NFILZ: variants seen among roughly 807,000 people sequenced by gnomAD.
NFILZ encodes NFIL3 like protein.
chr19:8,667,415 C>A (rs1249531449), intron 3 of NFILZ, among the ~76,000 whole-genome samples: 1 of 152,134 alleles, frequency 6.6e-6, no homozygotes, highest in Non-Finnish European at 1.5e-5. Context: ...CTACAGTCAT[C>A]CCTTGATATC....
At chr19:8,665,485 G>A (rs2043057853) in intron 3 of NFILZ, among the ~76,000 whole-genome samples, 1 of 152,162 alleles carries the variant, frequency 6.6e-6, no homozygotes, top group African/African-American at 2.4e-5. Context: ...CAGGGTATGA[G>A]TCCAAATTTG....
At position 8,678,137 on chromosome 19, in the gene NFILZ, T is replaced by C. The variant is rs1248235703; in HGVS notation, c.*502T>C. Reference sequence around the variant, plus strand: ...TCCATCCATCCATCCCTCCATCCATTCATCCACTTGTCCGTCCATCCATCC... The same window carrying C: ...TCCATCCATCCATCCCTCCATCCATCCATCCACTTGTCCGTCCATCCATCC... On this transcript the variant is annotated 3_prime_UTR_variant, in exon 6 of 6. Transcript: ENST00000691075. Among the ~76,000 whole-genome samples the C allele has an allele frequency of 0.033, 71 of 2,146 alleles. 9 individuals carry two copies. Among genetic ancestry groups the C allele is most frequent in the African/African-American group, 0.077 (31 of 402 alleles). The allele number at this position is 2,146 out of a possible 152,430, so 1.4% of individuals were successfully genotyped here.
chr19:8,633,513 C>T (rs1281758319), intron 2 of NFILZ, among the ~76,000 whole-genome samples: 1 of 152,172 alleles, frequency 6.6e-6, no homozygotes, highest in African/African-American at 2.4e-5. Flanking sequence ...GTGTCTTGAC[C>T]TTGAACTTGA....
chr19:8,640,315 AGT>A (rs1491329826), intron 3 of NFILZ, among the ~76,000 whole-genome samples: 7 of 52,734 alleles, frequency 1.3e-4, no homozygotes, highest in Non-Finnish European at 2.6e-4. Context: ...TTCCTGCTGT[AGT>A]TTTTTTTTTT....
At chr19:8,645,682 A>G (rs1343139962) in intron 3 of NFILZ, among the ~76,000 whole-genome samples, 1 of 152,130 alleles carries the variant, frequency 6.6e-6, no homozygotes, top group African/African-American at 2.4e-5. Flanking sequence ...GGGTGTGGGT[A>G]GGAGAATGGG....
At chr19:8,647,818 C>T (rs2042948111) in intron 3 of NFILZ, among the ~76,000 whole-genome samples, 1 of 148,762 alleles carries the variant, frequency 6.7e-6, no homozygotes, top group African/African-American at 2.5e-5. Context: ...CACACACACA[C>T]ACACACACAC....
At chr19:8,664,522 ATTTTC>A (rs550715256) in intron 3 of NFILZ, among the ~76,000 whole-genome samples, 1 of 151,940 alleles carries the variant, frequency 6.6e-6, no homozygotes, top group African/African-American at 2.4e-5. Flanking sequence ...GGTGCCTTGC[ATTTTC>A]CCCTTGAAGA....
intron 3 of NFILZ, among the ~76,000 whole-genome samples, chr19:8,652,178 C>T (rs1555747766): frequency 6.6e-6 from 1 of 151,044 alleles, no homozygotes; most frequent in Non-Finnish European, 1.5e-5. Context: ...TCTCGGCTCA[C>T]TGCCAGCTCC....
chr19:8,634,864 C>CACAA (rs150599717), intron 2 of NFILZ, among the ~76,000 whole-genome samples: 1,916 of 150,574 alleles, frequency 0.013, 22 homozygotes, highest in East Asian at 0.051. Flanking sequence ...AAGACCCTAT[C>CACAA]ACAAACAAAC....
intron 3 of NFILZ, among the ~76,000 whole-genome samples, chr19:8,652,621 A>G (rs544222521): frequency 6.6e-6 from 1 of 152,316 alleles, no homozygotes; most frequent in South Asian, 2.1e-4. Flanking sequence ...TCTTTACACC[A>G]TTGATTTAGT....
At chr19:8,649,248 G>C (rs1438714197) in intron 3 of NFILZ, among the ~76,000 whole-genome samples, 4 of 148,320 alleles carry the variant, frequency 2.7e-5, no homozygotes, top group African/African-American at 1.0e-4. Flanking sequence ...TTACAGGGGT[G>C]AGTCACCACA....
intron 3 of NFILZ, among the ~76,000 whole-genome samples, chr19:8,656,482 C>CAGCCCACCTTCTTCCTGA (rs2043002878): frequency 8.8e-5 from 4 of 45,560 alleles, no homozygotes; most frequent in Non-Finnish European, 8.8e-5. Context: ...CCTTCTCCCG[C>CAGCCCACCTTCTTCCTGA]AGCCCACCTT....
intron 2 of NFILZ, among the ~76,000 whole-genome samples, chr19:8,633,360 C>T (rs1055306728): frequency 1.3e-5 from 2 of 152,096 alleles, no homozygotes; most frequent in Non-Finnish European, 2.9e-5. Flanking sequence ...CACTTTACTC[C>T]GTGGACTCTC....
rs978800331 is a variant in NFILZ at position 8,635,721 on chromosome 19, G to A, written c.-189G>A. On this transcript the variant is annotated 5_prime_UTR_variant, in exon 3 of 6. Coordinates refer to ENST00000691075, the MANE Select transcript of NFILZ (RefSeq NM_001378600.1). The stretch of plus-strand genomic sequence containing the variant: ...GGCGATGATAAATAATGTGCCAGAC[G>A]TTGATGTGCAAGTTTTGGTGTGAGG... 7 of 152,196 alleles carry A rather than the reference G, an allele frequency of 4.6e-5. No individual in the cohort carries two copies. Among genetic ancestry groups the A allele is most frequent in the Non-Finnish European group, 8.8e-5 (6 of 68,048 alleles). 9.4% of individuals were successfully genotyped at this position (152,196 alleles called of 1,614,324 possible).
chr19:8,656,373 C>CCTGCAGCCCACCTTCTCT (rs2042997993), intron 3 of NFILZ, among the ~76,000 whole-genome samples: 4 of 72,854 alleles, frequency 5.5e-5, no homozygotes, highest in Middle Eastern at 6.1e-3. Context: ...CCACCTTCTC[C>CCTGCAGCCCACCTTCTCT]CTGAAGCCCA....
rs1345576993 is a variant in NFILZ, at chr19:8,652,107, T to TC, written c.-164+16361_-164+16362insC. On this transcript the variant is annotated intron_variant, in intron 3 of 5. Transcript: ENST00000691075. Reference sequence around the variant, plus strand: ...CTTTGCTGTGACCACTGGGAGATTTTTTTTTTTTTTTTTGAAACGGAGTCT... The same window carrying TC: ...CTTTGCTGTGACCACTGGGAGATTTTCTTTTTTTTTTTTTGAAACGGAGTCT... 1.5e-3 allele frequency among the ~76,000 whole-genome samples: 233 copies of TC among 151,832 alleles called. 1 individual carries two copies. Among genetic ancestry groups the TC allele is most frequent in the Non-Finnish European group, 1.6e-3 (111 of 67,886 alleles).
rs552717851 is a variant in NFILZ, at chr19:8,669,251, G to C, written c.-163-5300G>C. Among the ~76,000 whole-genome samples the C allele has an allele frequency of 9.1e-4, 139 of 152,198 alleles. 1 individual carries two copies. The highest frequency in any genetic ancestry group is 1.8e-3 in the Non-Finnish European group (123 of 68,026). ...TGAACCACCAAGCCTGGCCAAGAGA[G>C]GATTCTAACAACAATAAATGAAAAA... On this transcript the variant is annotated intron_variant, in intron 3 of 5. Coordinates refer to ENST00000691075, the MANE Select transcript of NFILZ (RefSeq NM_001378600.1).
rs115220293 is a variant in NFILZ, at chr19:8,653,905, C to G, written c.-164+18159C>G. Among the ~76,000 whole-genome samples, 423 of 152,236 alleles carry G rather than the reference C, an allele frequency of 2.8e-3. 2 individuals are homozygous for G. The highest frequency in any genetic ancestry group is 9.7e-3 in the African/African-American group (402 of 41,536). On this transcript the variant is annotated intron_variant, in intron 3 of 5. Coordinates refer to ENST00000691075, the MANE Select transcript of NFILZ (RefSeq NM_001378600.1). The stretch of plus-strand genomic sequence containing the variant: ...TCAGGTGACGGGTGCTCTAAAATCT[C>G]AGACTTCACCGCTAAACAATTCATC...
chr19:8,656,444 T>C (rs1307772795), intron 3 of NFILZ, among the ~76,000 whole-genome samples: 693 of 40,214 alleles, frequency 0.017, 78 homozygotes, highest in African/African-American at 0.051. Flanking sequence ...CACCTTCTCC[T>C]CGAAGCCCAC....
Sources: allele counts gnomAD v4.1 joint callset (sites outside exome capture counted in the v4.1 genomes callset), GRCh38; gene constraint gnomAD v4.1.1; transcripts MANE v1.5; gene names NCBI Gene and HGNC (gene_info 2026-07-23, HGNC 2026-07-21).